Variants in HDLBP observed in about 807,000 individuals in gnomAD.
The protein encoded by HDLBP is high density lipoprotein binding protein.
HDLBP carries 30 observed loss-of-function variants against 137.3 expected under a neutral mutation model. The ratio of observed to expected loss-of-function variants is 0.22; its 90% CI spans 0.16 to 0.30. The LOEUF (loss-of-function observed/expected upper bound fraction) is 0.30, where lower values mean the gene tolerates loss of function less well. Among genes scored for constraint, HDLBP ranks in the 10% least tolerant of loss-of-function variants. The pLI is 1.00. For synonymous variants in HDLBP, 606 were observed against 596.0 expected, an observed-to-expected ratio of 1.02 and a Z score of -0.24; for missense variants, 1,119 against 1,667.3, an observed-to-expected ratio of 0.67 and a Z score of 5.73.
At position 241,244,277 on chromosome 2, in the gene HDLBP, T is replaced by C. The variant is rs150097232; in HGVS notation, c.1951-1599A>G. The stretch of plus-strand genomic sequence containing the variant: ...CCCTGACGGGGAGACAGCAAGGGGC[T>C]AACACAACAAAATGCTCATAGTGAC... On this transcript the variant is annotated intron_variant, in intron 16 of 27. Transcript: ENST00000310931. Among the ~76,000 whole-genome samples, 106 of 152,268 alleles carry C rather than the reference T, an allele frequency of 7.0e-4. No individual in the cohort carries two copies. The Middle Eastern group carries it at 0.01, about 15-fold the overall frequency.
intron 1 of HDLBP, among the ~76,000 whole-genome samples, chr2:241,305,644 TG>T (rs2075544054): frequency 6.6e-6 from 1 of 152,228 alleles, no homozygotes; most frequent in Non-Finnish European, 1.5e-5. Context: ...CAAAGGTCTC[TG>T]GACACTGCCA....
In HDLBP at chr2:241,248,469, C is replaced by T. The variant is rs968224403; in HGVS notation, c.1513-121G>A. 8 of 780,102 alleles carry T rather than the reference C, an allele frequency of 1.0e-5. No homozygotes were observed. The African/African-American group carries it at 1.0e-4, about 10-fold the overall frequency. 48.3% of individuals were successfully genotyped at this position (780,102 alleles called of 1,614,324 possible). On this transcript the variant is annotated intron_variant, in intron 12 of 27. Coordinates refer to ENST00000310931, the MANE Select transcript of HDLBP (RefSeq NM_005336.6). ...CTTCATGGAGCAGGTGAGGTGGTCT[C>T]CAGGTGGCACCTCGTAGCACCCCGG...
intron 23 of HDLBP, among the ~76,000 whole-genome samples, chr2:241,234,261 G>A (rs1240758978): frequency 1.3e-5 from 2 of 152,200 alleles, no homozygotes; most frequent in African/African-American, 4.8e-5. Flanking sequence ...TGAGTCACGA[G>A]CTTGGGGCCC....
At position 241,272,315 on chromosome 2, in the gene HDLBP, C is replaced by A; in HGVS notation, c.-102-3774G>T. ...CCACCCTGGCCGCACACGGCGCCCC[C>A]GCCGGAGCGGGGGAGGGGAGGGCCG... On this transcript the variant is annotated intron_variant, in intron 1 of 27. Coordinates refer to ENST00000310931, the MANE Select transcript of HDLBP (RefSeq NM_005336.6). This position sits in a 1 kb window ranked among gnomAD's most constrained non-coding sequence, Gnocchi z 5.6. 1 of 983,536 alleles carries A rather than the reference C, an allele frequency of 1.0e-6. No individual in the cohort carries two copies. Among genetic ancestry groups the A allele is most frequent in the African/African-American group, 1.7e-5 (1 of 57,192 alleles). 60.9% of individuals were successfully genotyped at this position (983,536 alleles called of 1,614,324 possible). A position where few individuals can be genotyped will look rare whatever the true frequency, so the allele number is the denominator to read the frequency against.
chr2:241,298,093 T>C (rs1406739388), intron 1 of HDLBP, among the ~76,000 whole-genome samples: 1 of 122,896 alleles, frequency 8.1e-6, no homozygotes, highest in Non-Finnish European at 1.6e-5. Context: ...GGGCCAGGCA[T>C]GGTGGCTCAT....
chr2:241,313,088 T>C (rs2075801044), intron 1 of HDLBP, among the ~76,000 whole-genome samples: 1 of 152,204 alleles, frequency 6.6e-6, no homozygotes, highest in African/African-American at 2.4e-5. Context: ...ACTCGTCTTT[T>C]AAACCGCAGT....
chr2:241,254,091 C>T (rs2072420545), intron 9 of HDLBP, among the ~76,000 whole-genome samples: 1 of 152,026 alleles, frequency 6.6e-6, no homozygotes, highest in Non-Finnish European at 1.5e-5. Context: ...TCGAGATCAA[C>T]CTGGGCAACT....
At chr2:241,243,212 C>T (rs796982477) in intron 16 of HDLBP, among the ~76,000 whole-genome samples, 11 of 152,206 alleles carry the variant, frequency 7.2e-5, no homozygotes, top group African/African-American at 2.4e-4. Flanking sequence ...TGCCACAGTA[C>T]GGGAAGGTGA....
intron 1 of HDLBP, among the ~76,000 whole-genome samples, chr2:241,296,096 T>A (rs1269815269): frequency 7.2e-6 from 1 of 139,498 alleles, no homozygotes; most frequent in African/African-American, 2.6e-5. Flanking sequence ...GCTAGAAAAT[T>A]TTGCAAAAAA....
intron 1 of HDLBP, chr2:241,273,346 T>TA: frequency 3.1e-6 from 2 of 655,714 alleles, no homozygotes; most frequent in Non-Finnish European, 3.8e-6. Context: ...GCAATCAACT[T>TA]AATCTCCCCC....
intron 13 of HDLBP, 22 bp from the exon 14 acceptor site, chr2:241,248,138 C>G (rs1204407723): frequency 1.3e-6 from 2 of 1,594,772 alleles, no homozygotes; most frequent in Non-Finnish European, 1.7e-6. Context: ...CATGGGGAGA[C>G]TAAGTTCAAG....
In HDLBP at chr2:241,272,624, GT is replaced by G. The variant is rs2074184031; in HGVS notation, c.-102-4084del. 1.0e-6 allele frequency: 1 copy of G among 980,384 alleles called. No homozygotes were observed. Among genetic ancestry groups the G allele is most frequent in the Non-Finnish European group, 1.2e-6 (1 of 826,666 alleles). 60.7% of individuals were successfully genotyped at this position (980,384 alleles called of 1,614,324 possible). ...GCGGGGGCCGCAGCCTGGGGCCCGG[GT>G]GGGGGCCGCGGCACCCGGGCCCCTC... On this transcript the variant is annotated intron_variant, in intron 1 of 27. Transcript: ENST00000310931. This position sits in a 1 kb window ranked among gnomAD's most constrained non-coding sequence, Gnocchi z 5.6.
At chr2:241,300,979 A>ATTATTATTATTG (rs1397323305) in intron 1 of HDLBP, among the ~76,000 whole-genome samples, 4 of 146,414 alleles carry the variant, frequency 2.7e-5, no homozygotes, top group African/African-American at 1.0e-4. Flanking sequence ...TATTATTATT[A>ATTATTATTATTG]TTATTATTAT....
chr2:241,268,616 A>AG (rs904146479), intron 1 of HDLBP, 75 bp from the exon 2 acceptor site: 2 of 473,342 alleles, frequency 4.2e-6, no homozygotes, highest in Non-Finnish European at 5.5e-6. Context: ...TTTACAACTC[A>AG]GATCTTTTTA....
At chr2:241,259,862 GA>G (rs2073017464) in intron 5 of HDLBP, among the ~76,000 whole-genome samples, 1 of 152,162 alleles carries the variant, frequency 6.6e-6, no homozygotes, top group Non-Finnish European at 1.5e-5. Context: ...TGCACCTATG[GA>G]GACTGGAGTC....
chr2:241,265,311 G>C (rs895884557), intron 3 of HDLBP, among the ~76,000 whole-genome samples: 1 of 152,128 alleles, frequency 6.6e-6, no homozygotes, highest in Admixed American at 6.5e-5. Context: ...CCAGCTACTC[G>C]GGAGGCTGAG....
chr2:241,255,770 CCT>C (rs1045442179), intron 7 of HDLBP, among the ~76,000 whole-genome samples, 190 bp from the exon 8 acceptor site: 2 of 152,204 alleles, frequency 1.3e-5, no homozygotes, highest in African/African-American at 4.8e-5. Context: ...GGATTTTTCC[CCT>C]CAGTCTAGTC....
intron 1 of HDLBP, among the ~76,000 whole-genome samples, chr2:241,312,641 T>TAACC (rs1316918765): frequency 4.6e-5 from 7 of 152,222 alleles, no homozygotes; most frequent in Non-Finnish European, 1.0e-4. Context: ...TTTCAGAACT[T>TAACC]GGTTACTTCT....
chr2:241,299,097 C>T (rs7582746), intron 1 of HDLBP, among the ~76,000 whole-genome samples: 4,575 of 152,250 alleles, frequency 0.03, 159 homozygotes, highest in African/African-American at 0.081. Flanking sequence ...GGGTGAGGTT[C>T]GTAGTCCCAA....
Sources: allele counts gnomAD v4.1 joint callset (sites outside exome capture counted in the v4.1 genomes callset), GRCh38; gene constraint gnomAD v4.1.1; non-coding constraint Gnocchi (gnomAD v3.1); transcripts MANE v1.5; gene names NCBI Gene and HGNC (gene_info 2026-07-23, HGNC 2026-07-21).